The following CWC27 variants were observed in gnomAD, a reference collection of about 807,000 sequenced individuals.
The protein encoded by CWC27 is CWC27 spliceosome associated cyclophilin.
Under a neutral mutation model 63.6 loss-of-function variants are expected in CWC27, and 47 were observed. The observed-to-expected ratio is 0.74, with a 90% CI of 0.58 to 0.94. The LOEUF is 0.94. CWC27 is among the 40% of genes least tolerant of loss of function. The pLI is 0.00. For missense variants in CWC27, 495 were observed against 554.3 expected (o/e 0.89, Z 1.07); for synonymous variants, 175 against 179.8 (o/e 0.97, Z 0.22).
chr5:65,001,876 G>T, intron 13 of CWC27, among the ~76,000 whole-genome samples: 1 of 86,396 alleles, frequency 1.2e-5, no homozygotes, highest in African/African-American at 6.2e-5. Flanking sequence ...CAATTTTTTG[G>T]AATAGCTTGA....
chr5:64,945,280 TG>T (rs888522760), intron 11 of CWC27, among the ~76,000 whole-genome samples: 9 of 152,212 alleles, frequency 5.9e-5, no homozygotes, highest in Admixed American at 5.9e-4. Context: ...ATTTGTTGTT[TG>T]TTTTCTGCCT....
intron 9 of CWC27, 73 bp from the exon 10 acceptor site, chr5:64,804,156 T>C: frequency 7.6e-7 from 1 of 1,324,406 alleles, no homozygotes; most frequent in Non-Finnish European, 1.0e-6. Context: ...GGAGATTCAG[T>C]GGATGCAATA....
At chr5:64,974,617 A>T (rs543582936) in intron 12 of CWC27, among the ~76,000 whole-genome samples, 18 of 152,220 alleles carry the variant, frequency 1.2e-4, no homozygotes, top group Non-Finnish European at 2.1e-4. Flanking sequence ...GTAGGGACAC[A>T]GCCAGACCAT....
intron 5 of CWC27, 111 bp from the exon 6 acceptor site, chr5:64,786,413 G>GT: frequency 1.7e-6 from 1 of 579,292 alleles, no homozygotes. Context: ...TACTAATAAT[G>GT]TTTATGTGGG....
intron 10 of CWC27, among the ~76,000 whole-genome samples, chr5:64,825,577 T>C (rs952393282): frequency 1.3e-5 from 2 of 152,154 alleles, no homozygotes; most frequent in African/African-American, 4.8e-5. Context: ...TCTTGTCTGT[T>C]TTGGGGTTTT....
intron 11 of CWC27, among the ~76,000 whole-genome samples, chr5:64,936,120 G>C (rs1265710982): frequency 6.6e-6 from 1 of 152,138 alleles, no homozygotes; most frequent in African/African-American, 2.4e-5. Context: ...GCCCTGGCCA[G>C]AACTTCCAAT....
chr5:65,014,459 A>T (rs1408654892), intron 13 of CWC27, among the ~76,000 whole-genome samples: 1 of 151,594 alleles, frequency 6.6e-6, no homozygotes, highest in Non-Finnish European at 1.5e-5. Flanking sequence ...TTTTTTATTA[A>T]TCAAACCTAA....
At chr5:64,895,043 C>T (rs1225704259) in intron 11 of CWC27, among the ~76,000 whole-genome samples, 1 of 152,094 alleles carries the variant, frequency 6.6e-6, no homozygotes, top group African/African-American at 2.4e-5. Context: ...GGAGCAAGAG[C>T]ATCTCTTGGG....
At chr5:64,840,571 A>C (rs928245017) in intron 10 of CWC27, among the ~76,000 whole-genome samples, 4 of 151,436 alleles carry the variant, frequency 2.6e-5, no homozygotes, top group African/African-American at 7.3e-5. Context: ...TGAAGGTAAC[A>C]GTATGTACCA....
rs372628041 is a variant in CWC27, at chr5:64,988,708, A to G, written c.1256+11470A>G. On this transcript the variant is annotated intron_variant, in intron 13 of 13. Coordinates refer to ENST00000381070, the MANE Select transcript of CWC27 (RefSeq NM_005869.4). ...AACCCCCACCTCCCGGGTTCAAGAGACTCTCTTGCCTCAGGCTCCTGAGTA... is the reference window on the plus strand; with the variant it reads ...AACCCCCACCTCCCGGGTTCAAGAGGCTCTCTTGCCTCAGGCTCCTGAGTA... Among the ~76,000 whole-genome samples the G allele has an allele frequency of 9.4e-5, 14 of 148,854 alleles. No individual in the cohort carries two copies. The East Asian group carries it at 2.6e-3, about 27-fold the overall frequency.
intron 10 of CWC27, among the ~76,000 whole-genome samples, chr5:64,817,726 T>G (rs1297561165): frequency 6.6e-6 from 1 of 152,162 alleles, no homozygotes; most frequent in Non-Finnish European, 1.5e-5. Context: ...ATATTTGATC[T>G]CTCCTCCCTC....
intron 11 of CWC27, among the ~76,000 whole-genome samples, chr5:64,904,412 T>G (rs1438531920): frequency 1.3e-5 from 2 of 152,266 alleles, no homozygotes; most frequent in Non-Finnish European, 2.9e-5. Flanking sequence ...TATATAAATC[T>G]GAAGACTTGA....
intron 10 of CWC27, among the ~76,000 whole-genome samples, chr5:64,842,405 G>A (rs917724625): frequency 6.6e-6 from 1 of 151,902 alleles, no homozygotes; most frequent in Non-Finnish European, 1.5e-5. Context: ...CTGGGTTCAA[G>A]CGATTCTCCT....
At chr5:64,782,457 A>AATAAATAAATAAATAAATAC (rs1422043105) in intron 3 of CWC27, among the ~76,000 whole-genome samples, 1 of 150,680 alleles carries the variant, frequency 6.6e-6, no homozygotes, top group Non-Finnish European at 1.5e-5. Flanking sequence ...CAAATAAATA[A>AATAAATAAATAAATAAATAC]ATAAATAAAT....
chr5:64,982,540 G>A (rs994645604), intron 13 of CWC27, among the ~76,000 whole-genome samples: 5 of 151,176 alleles, frequency 3.3e-5, no homozygotes, highest in African/African-American at 9.7e-5. Context: ...GGCTGATCTC[G>A]AACTCCTGGC....
Position 64,785,526 on chromosome 5 carries a change from G to C in CWC27, c.442G>C (p.Asp148His). 13 of 1,572,310 alleles carry C rather than the reference G, an allele frequency of 8.3e-6. No individual in the cohort carries two copies. Among genetic ancestry groups the C allele is most frequent in the Non-Finnish European group, 1.1e-5 (13 of 1,164,716 alleles). ...TAACATGTTGCGACTGTCAGAAGTA[G>C]ACATTGATGATGACGAAAGACCACA... ...VYNMLRLSEV[D>H]IDDDERPHNP... The change falls in exon 5 of 14, where the codon GAC becomes CAC. Residue 148 changes from aspartate to histidine, a missense_variant. By Grantham distance (81) the Asp-to-His change is moderately conservative. This residue lies in a region of CWC27 where 463 missense variants were observed against 498.1 expected (regional missense o/e 0.93). Coordinates refer to ENST00000381070, the MANE Select transcript of CWC27 (RefSeq NM_005869.4).
At chr5:64,966,327 C>T (rs962739640) in intron 11 of CWC27, among the ~76,000 whole-genome samples, 15 of 152,092 alleles carry the variant, frequency 9.9e-5, no homozygotes, top group Non-Finnish European at 1.8e-4. Flanking sequence ...CCTTTGAAAG[C>T]TTATCACTTA....
chr5:64,872,675 A>G (rs1429962251), intron 10 of CWC27, among the ~76,000 whole-genome samples: 1 of 152,212 alleles, frequency 6.6e-6, no homozygotes, highest in African/African-American at 2.4e-5. Flanking sequence ...CAAGAACACT[A>G]TAGGAAATGG....
At chr5:65,007,485 G>C (rs992203760) in intron 13 of CWC27, among the ~76,000 whole-genome samples, 2 of 152,154 alleles carry the variant, frequency 1.3e-5, no homozygotes, top group Non-Finnish European at 2.9e-5. Context: ...AGTTCTGTTG[G>C]TTGGAAGTCC....
Sources: gnomAD v4.1 joint callset for allele counts (sites outside exome capture counted in the v4.1 genomes callset) on GRCh38, gnomAD v4.1.1 for gene constraint, gnomAD v4.1.1 regional missense constraint, MANE v1.5 for transcripts, NCBI Gene and HGNC (gene_info 2026-07-23, HGNC 2026-07-21) for gene names.